BANP: variants seen among roughly 807,000 people sequenced by gnomAD.
BANP encodes the protein protein BANP.
BANP carries 11 observed loss-of-function variants against 68.1 expected under a neutral mutation model. The ratio of observed to expected loss-of-function variants is 0.16; its 90% CI spans 0.10 to 0.27. BANP has a LOEUF of 0.27. Among genes scored for constraint, BANP ranks in the 10% least tolerant of loss-of-function variants. BANP has a pLI of 1.00. For missense variants in BANP, 504 were observed against 722.7 expected, an observed-to-expected ratio of 0.70 and a Z score of 3.47; for synonymous variants, 329 against 303.2, an observed-to-expected ratio of 1.09 and a Z score of -0.88.
At chr16:87,964,005 G>A (rs1488844115) in intron 1 of BANP, among the ~76,000 whole-genome samples, 6 of 152,300 alleles carry the variant, frequency 3.9e-5, no homozygotes, top group South Asian at 2.1e-4. Context: ...ACCAGCTACC[G>A]TTAGCCTTTG....
Position 88,075,327 on chromosome 16 carries a change from C to G in BANP, c.1522-1263C>G, listed in dbSNP as rs928318632. Among the ~76,000 whole-genome samples the G allele has an allele frequency of 8.5e-5, 13 of 152,160 alleles. No individual in the cohort carries two copies. In the East Asian group the frequency reaches 2.5e-3, roughly 29 times the overall value. ...CGCCACTGTGCTCCAGCCTAGGTGA[C>G]AGAGTGAGACTCCGTCTCAAAAAAA... On this transcript the variant is annotated intron_variant, in intron 13 of 13. Transcript: ENST00000682872.
At chr16:88,038,208 C>A (rs546566316) in intron 11 of BANP, among the ~76,000 whole-genome samples, 197 bp downstream of exon 11, 2 of 152,182 alleles carry the variant, frequency 1.3e-5, no homozygotes, top group South Asian at 2.1e-4. Context: ...GTGGGGCTCT[C>A]ATGGGAAGGG....
chr16:88,063,080 G>A lies in BANP; in HGVS notation c.1312-2187G>A, dbSNP rs562886615. Among the ~76,000 whole-genome samples the A allele has an allele frequency of 5.9e-5, 9 of 152,362 alleles. No individual in the cohort carries two copies. In the South Asian group the frequency reaches 1.7e-3, roughly 28 times the overall value. On this transcript the variant is annotated intron_variant, in intron 11 of 13. Transcript: ENST00000682872. Reference sequence around the variant, plus strand: ...AGCCTCCTGTGTGTTTTAAGAGGCTGCGCCGTGCATGGAGGTGCCCTCAGC... The same window carrying A: ...AGCCTCCTGTGTGTTTTAAGAGGCTACGCCGTGCATGGAGGTGCCCTCAGC...
intron 4 of BANP, among the ~76,000 whole-genome samples, chr16:87,988,385 T>C (rs887022546): frequency 6.6e-6 from 1 of 151,956 alleles, no homozygotes; most frequent in Non-Finnish European, 1.5e-5. Flanking sequence ...TGCCTCAGCC[T>C]CCTGAGTAGC....
chr16:88,062,473 G>A (rs1444753584), intron 11 of BANP, among the ~76,000 whole-genome samples: 4 of 152,172 alleles, frequency 2.6e-5, no homozygotes, highest in African/African-American at 9.7e-5. Flanking sequence ...TCTTTTATCT[G>A]AAAACAACTG....
intron 1 of BANP, among the ~76,000 whole-genome samples, chr16:87,970,563 A>G (rs757091316): frequency 1.2e-4 from 18 of 152,168 alleles, no homozygotes; most frequent in African/African-American, 4.1e-4. Flanking sequence ...TCTTTTTATT[A>G]CCATTAAACA....
At chr16:88,053,750 T>C (rs1406527509) in intron 11 of BANP, among the ~76,000 whole-genome samples, 1 of 145,094 alleles carries the variant, frequency 6.9e-6, no homozygotes, top group Non-Finnish European at 1.5e-5. Context: ...TCTACTGTCA[T>C]CTCCATCATC....
At chr16:88,047,884 C>T (rs1467044745) in intron 11 of BANP, among the ~76,000 whole-genome samples, 6 of 152,352 alleles carry the variant, frequency 3.9e-5, no homozygotes, top group Middle Eastern at 3.4e-3. Context: ...ATGACTATGT[C>T]CTGTCACTTA....
chr16:87,989,976 C>T (rs371121460), intron 4 of BANP, among the ~76,000 whole-genome samples: 18 of 151,338 alleles, frequency 1.2e-4, no homozygotes, highest in African/African-American at 3.9e-4. Context: ...CGTGGCTGCG[C>T]GCATCCAGGA....
chr16:87,959,437 G>T (rs1045745952), intron 1 of BANP, among the ~76,000 whole-genome samples: 6 of 152,234 alleles, frequency 3.9e-5, no homozygotes, highest in African/African-American at 1.2e-4. Context: ...AGGTTGTGTA[G>T]AGAGGCAGTG....
chr16:88,016,121 G>A (rs1176692463), intron 6 of BANP, among the ~76,000 whole-genome samples: 1 of 152,238 alleles, frequency 6.6e-6, no homozygotes, highest in Admixed American at 6.5e-5. Flanking sequence ...CCCTTCAGAA[G>A]GACAGACACA....
At chr16:88,026,258 C>T (rs1459781596) in intron 7 of BANP, among the ~76,000 whole-genome samples, 2 of 152,188 alleles carry the variant, frequency 1.3e-5, no homozygotes, top group Non-Finnish European at 2.9e-5. Flanking sequence ...TGTGCCCACT[C>T]GGCTTGTGGT....
chr16:88,053,003 C>G (rs1465837282), intron 11 of BANP, among the ~76,000 whole-genome samples: 2 of 151,730 alleles, frequency 1.3e-5, no homozygotes, highest in East Asian at 3.9e-4. Context: ...CCACTACCAT[C>G]TCCATCATTA....
chr16:87,997,571 A>G (rs1409670719), intron 4 of BANP, among the ~76,000 whole-genome samples: 1 of 145,984 alleles, frequency 6.9e-6, no homozygotes, highest in Non-Finnish European at 1.5e-5. Flanking sequence ...GAGTGAGACC[A>G]TGTGTTCGTG....
At chr16:87,990,121 T>A (rs1159105181) in intron 4 of BANP, among the ~76,000 whole-genome samples, 1 of 152,240 alleles carries the variant, frequency 6.6e-6, no homozygotes, top group Non-Finnish European at 1.5e-5. Context: ...CGAAAAATTA[T>A]TTTTAAAAAT....
rs2090234334 is a variant in BANP, at chr16:88,071,264, A to G, written c.1378-805A>G. 2.8e-6 allele frequency: 1 copy of G among 359,302 alleles called. No individual in the cohort carries two copies. The allele number at this position is 359,302 out of a possible 1,614,324, so 22.3% of individuals were successfully genotyped here. On this transcript the variant is annotated intron_variant, in intron 12 of 13. Coordinates refer to ENST00000682872, the MANE Select transcript of BANP (RefSeq NM_001386991.1). This position sits in a 1 kb window ranked among gnomAD's most constrained non-coding sequence, Gnocchi z 6.5. ...ACCCCAAGTGAAGACCCCGTGGCTC[A>G]TGTCAAGTGCCCTCAGGGCTGGGGC...
chr16:88,020,726 T>C (rs1246752875), intron 7 of BANP, among the ~76,000 whole-genome samples: 1 of 152,182 alleles, frequency 6.6e-6, no homozygotes, highest in Non-Finnish European at 1.5e-5. Flanking sequence ...TCCCTGCTCC[T>C]CGGGGGAGAA....
intron 11 of BANP, among the ~76,000 whole-genome samples, chr16:88,051,154 G>A (rs12924652): frequency 0.015 from 2,274 of 152,224 alleles, 27 homozygotes; most frequent in Non-Finnish European, 0.025. Context: ...GGCGGGCCTC[G>A]CAGCATGAGA....
At chr16:88,072,035 C>A (rs62046926) in intron 12 of BANP, 34 bp from the exon 13 acceptor site, 1 of 1,545,274 alleles carries the variant, frequency 6.5e-7, no homozygotes, top group African/African-American at 1.4e-5. Flanking sequence ...TTGTGGGCCA[C>A]GCCGCTGACG....
Sources: gnomAD v4.1 joint callset for allele counts (sites outside exome capture counted in the v4.1 genomes callset) on GRCh38, gnomAD v4.1.1 for gene constraint, Gnocchi (gnomAD v3.1) non-coding constraint, MANE v1.5 for transcripts, NCBI Gene and HGNC (gene_info 2026-07-23, HGNC 2026-07-21) for gene names.